Variants in SHB observed in about 807,000 individuals in gnomAD.
SHB encodes the protein SH2 domain-containing adapter protein B.
Under a neutral mutation model 52.3 loss-of-function variants are expected in SHB, and 20 were observed. That is an observed-to-expected ratio of 0.38 (90% CI 0.27 to 0.56). The LOEUF (loss-of-function observed/expected upper bound fraction) is 0.56, where lower values mean the gene tolerates loss of function less well. Ranked by LOEUF, SHB falls within the 20% of genes least tolerant of loss-of-function variation. The probability of loss-of-function intolerance (pLI) is 0.71; values close to 1 mark genes in which losing one functional copy is unlikely to be tolerated. For synonymous variants in SHB, 397 were observed against 316.5 expected (o/e 1.25, Z -2.70); for missense variants, 825 against 723.3 (o/e 1.14, Z -1.61).
chr9:38,025,836 G>A (rs1238631199), intron 1 of SHB, among the ~76,000 whole-genome samples: 1 of 152,168 alleles, frequency 6.6e-6, no homozygotes, highest in Admixed American at 6.5e-5. Context: ...TCCCCATGTT[G>A]ATGAGGAGCC....
At chr9:38,036,971 A>G (rs1230988594) in intron 1 of SHB, among the ~76,000 whole-genome samples, 19 of 152,222 alleles carry the variant, frequency 1.2e-4, no homozygotes, top group Non-Finnish European at 1.0e-4. Flanking sequence ...CAACAGACTT[A>G]GAAGTGACTC....
chr9:38,053,480 G>A (rs973468191), intron 1 of SHB, among the ~76,000 whole-genome samples: 4 of 151,946 alleles, frequency 2.6e-5, no homozygotes, highest in Non-Finnish European at 5.9e-5. Flanking sequence ...CTCGTGATCC[G>A]CCCACCCCAG....
chr9:38,039,017 C>T (rs1821530486), intron 1 of SHB, among the ~76,000 whole-genome samples: 1 of 152,202 alleles, frequency 6.6e-6, no homozygotes, highest in Non-Finnish European at 1.5e-5. Flanking sequence ...TTTCTGAACT[C>T]CTGACGCTTA....
chr9:38,023,823 G>A (rs1202784698), intron 1 of SHB, among the ~76,000 whole-genome samples: 1 of 152,094 alleles, frequency 6.6e-6, no homozygotes, highest in African/African-American at 2.4e-5. Flanking sequence ...GGGGTCCACA[G>A]CACCAGGCTG....
rs569416606 is a variant in SHB at position 37,937,840 on chromosome 9, G to T, written c.1346+10795C>A. On this transcript the variant is annotated intron_variant, in intron 5 of 5. Transcript: ENST00000377707. ...GGGGTGGGAGCTGGGACTTCTGGGG[G>T]CTCTACCAGCAGCCTTCCAGAGGAC... Among the ~76,000 whole-genome samples the T allele has an allele frequency of 3.9e-5, 6 of 152,258 alleles. No homozygotes were observed. In the South Asian group the frequency reaches 1.2e-3, roughly 32 times the overall value.
chr9:38,012,658 G>A (rs79685586), intron 2 of SHB, among the ~76,000 whole-genome samples: 3 of 151,844 alleles, frequency 2.0e-5, no homozygotes, highest in East Asian at 3.9e-4. Context: ...GAGGTCCCTG[G>A]GTCATTCAGG....
chr9:37,919,982 TG>T lies in SHB; in HGVS notation c.1368del (p.His456GlnfsTer2). 1 of 1,614,156 alleles carries T rather than the reference TG, an allele frequency of 6.2e-7. No individual in the cohort carries two copies. The highest frequency in any genetic ancestry group is 8.5e-7 in the Non-Finnish European group (1 of 1,179,976). On this transcript the variant is annotated frameshift_variant, in exon 6 of 6. Transcript: ENST00000377707. LOFTEE classifies it high-confidence loss of function. ...LSLRSNQGFM[H>X]MKLAKTKEKY... is the part of the protein sequence containing the mutation. ...TTCTCTTTGGTTTTGGCCAGTTTCA[TG>T]TGCATAAAACCCTGGTTGCTCCTGT...
At chr9:38,020,080 T>C (rs1821263814) in intron 1 of SHB, among the ~76,000 whole-genome samples, 1 of 152,200 alleles carries the variant, frequency 6.6e-6, no homozygotes, top group Admixed American at 6.5e-5. Context: ...CACTCCAAAC[T>C]GACCCCTCTT....
chr9:38,066,389 C>A (rs999999774), intron 1 of SHB, among the ~76,000 whole-genome samples: 1 of 152,182 alleles, frequency 6.6e-6, no homozygotes, highest in Non-Finnish European at 1.5e-5. Context: ...TTCCCCAGTG[C>A]CTGCACCAAG....
At chr9:38,045,013 C>T (rs1587261533) in intron 1 of SHB, among the ~76,000 whole-genome samples, 1 of 152,196 alleles carries the variant, frequency 6.6e-6, no homozygotes, top group South Asian at 2.1e-4. Flanking sequence ...AGGTGTGACA[C>T]ACAAGTGAAG....
intron 2 of SHB, among the ~76,000 whole-genome samples, chr9:37,975,343 G>A (rs546484085): frequency 4.6e-5 from 7 of 152,176 alleles, no homozygotes; most frequent in African/African-American, 1.4e-4. Context: ...TCCCCAAGGA[G>A]ACCAGAGGCC....
chr9:37,957,255 AGCAT>A (rs1404351758), intron 3 of SHB, among the ~76,000 whole-genome samples: 1 of 152,218 alleles, frequency 6.6e-6, no homozygotes, highest in Non-Finnish European at 1.5e-5. Flanking sequence ...CTAACCAGCA[AGCAT>A]GATTGTGGCA....
intron 2 of SHB, among the ~76,000 whole-genome samples, chr9:37,997,860 C>T (rs1285750043): frequency 6.6e-6 from 1 of 152,222 alleles, no homozygotes; most frequent in Non-Finnish European, 1.5e-5. Flanking sequence ...GTGACAAGGG[C>T]AAGTGGCAGA....
chr9:38,022,698 A>G (rs1047884148), intron 1 of SHB, among the ~76,000 whole-genome samples: 13 of 152,222 alleles, frequency 8.5e-5, no homozygotes, highest in Admixed American at 2.0e-4. Context: ...CAAAGATGAC[A>G]TTACAGAAAC....
At chr9:37,962,560 G>A (rs1387459099) in intron 3 of SHB, among the ~76,000 whole-genome samples, 1 of 151,340 alleles carries the variant, frequency 6.6e-6, no homozygotes, top group Non-Finnish European at 1.5e-5. Context: ...AGGCTGGAGT[G>A]CAGTAGCACG....
At chr9:38,054,182 C>A (rs1413450422) in intron 1 of SHB, among the ~76,000 whole-genome samples, 1 of 152,366 alleles carries the variant, frequency 6.6e-6, no homozygotes, top group East Asian at 1.9e-4. Context: ...TTTCATGCCA[C>A]CACAGTGGGA....
chr9:38,067,009 G>A (rs1359325850), intron 1 of SHB, among the ~76,000 whole-genome samples: 1 of 152,112 alleles, frequency 6.6e-6, no homozygotes, highest in Non-Finnish European at 1.5e-5. Context: ...GACAGAACAA[G>A]TATTATTTTA....
rs1832157722 is a variant in SHB, at chr9:37,920,019, CAG to C, written c.1347-17_1347-16del. On this transcript the variant is annotated splice_polypyrimidine_tract_variant and intron_variant, in intron 5 of 5. Coordinates refer to ENST00000377707, the MANE Select transcript of SHB (RefSeq NM_003028.3). ...CCTGGTTGCTCCTGTGAACAAAACA[CAG>C]AGTTATCAGAACTACCCCCCTGACA... is the stretch of plus-strand genomic sequence containing the variant. The C allele has an allele frequency of 2.5e-6, 4 of 1,608,384 alleles. No individual in the cohort carries two copies. Among genetic ancestry groups the C allele is most frequent in the South Asian group, 1.1e-5 (1 of 90,816 alleles).
intron 5 of SHB, among the ~76,000 whole-genome samples, chr9:37,930,143 T>C (rs999372482): frequency 6.6e-6 from 1 of 152,084 alleles, no homozygotes; most frequent in African/African-American, 2.4e-5. Flanking sequence ...AAACTGGTCA[T>C]AGATGGTCAA....
Sources: gnomAD v4.1 joint callset for allele counts (sites outside exome capture counted in the v4.1 genomes callset) on GRCh38, gnomAD v4.1.1 for gene constraint, MANE v1.5 for transcripts, NCBI Gene and HGNC (gene_info 2026-07-23, HGNC 2026-07-21) for gene names.